Variants in RAB22A observed in about 807,000 individuals in gnomAD.
The protein encoded by RAB22A is ras-related protein Rab-22A.
Under a neutral mutation model 30.2 loss-of-function variants are expected in RAB22A, and 13 were observed. The observed-to-expected ratio is 0.43, with a 90% CI of 0.28 to 0.68. The LOEUF (loss-of-function observed/expected upper bound fraction) is 0.68. Ranked by LOEUF, RAB22A falls within the 30% of genes least tolerant of loss-of-function variation. The pLI, the probability that RAB22A is intolerant of heterozygous loss-of-function variation, is 0.18. For synonymous variants in RAB22A, 89 were observed against 87.2 expected (o/e 1.02, Z -0.11); for missense variants, 177 against 246.8 (o/e 0.72, Z 1.89).
chr20:58,337,569 T>C (rs1986779548), intron 2 of RAB22A, among the ~76,000 whole-genome samples: 2 of 152,172 alleles, frequency 1.3e-5, no homozygotes, highest in Admixed American at 1.3e-4. Context: ...ACCTGGTAAT[T>C]ATCTATTCAC....
chr20:58,333,316 C>A, intron 2 of RAB22A, among the ~76,000 whole-genome samples: 1 of 99,614 alleles, frequency 1.0e-5, no homozygotes, highest in East Asian at 2.8e-4. Flanking sequence ...TAAATCCCGC[C>A]AGCTAATTCT....
At chr20:58,349,679 G>T (rs1198398600) in intron 3 of RAB22A, among the ~76,000 whole-genome samples, 1 of 152,174 alleles carries the variant, frequency 6.6e-6, no homozygotes, top group Admixed American at 6.5e-5. Context: ...GAAGAGCCAT[G>T]CCTTGGGAGT....
At chr20:58,354,294 C>T (rs781270283) in intron 6 of RAB22A, 29 bp downstream of exon 6, 3 of 1,509,562 alleles carry the variant, frequency 2.0e-6, no homozygotes, top group Admixed American at 1.7e-5. Context: ...TATCCATTTC[C>T]TCTGTAAAAG....
chr20:58,360,989 G>C lies in RAB22A; in HGVS notation c.*1286G>C, dbSNP rs1386440084. On this transcript the variant is annotated 3_prime_UTR_variant, in exon 7 of 7. Coordinates refer to ENST00000244040, the MANE Select transcript of RAB22A (RefSeq NM_020673.3). ...GTACAGCATCCTCAGACCAACTGAGGAGCTTTCCTTGTTAACAATTTAGCT... is the reference window on the plus strand; with the variant it reads ...GTACAGCATCCTCAGACCAACTGAGCAGCTTTCCTTGTTAACAATTTAGCT... The C allele has an allele frequency of 6.6e-6, 1 of 152,494 alleles. No individual in the cohort carries two copies. The highest frequency in any genetic ancestry group is 1.5e-5 in the Non-Finnish European group (1 of 68,030). The allele number at this position is 152,494 out of a possible 1,614,324, so 9.4% of individuals were successfully genotyped here. A position where few individuals can be genotyped will look rare whatever the true frequency, so the allele number is the denominator to read the frequency against.
chr20:58,341,615 G>A (rs558035371), intron 2 of RAB22A, among the ~76,000 whole-genome samples: 29 of 152,274 alleles, frequency 1.9e-4, no homozygotes, highest in Admixed American at 9.2e-4. Flanking sequence ...AGAGTAGAAG[G>A]GTGGTCCAGG....
intron 2 of RAB22A, among the ~76,000 whole-genome samples, chr20:58,321,835 C>T (rs948734426): frequency 3.9e-5 from 6 of 152,138 alleles, no homozygotes; most frequent in African/African-American, 1.4e-4. Flanking sequence ...AGGTCTTGCT[C>T]CATCTGTCAG....
rs1987288473 is a variant in RAB22A, at chr20:58,364,890, A to C, written c.*5187A>C. 1 of 152,014 alleles carries C rather than the reference A, an allele frequency of 6.6e-6. No individual in the cohort carries two copies. Among genetic ancestry groups the C allele is most frequent in the African/African-American group, 2.4e-5 (1 of 41,368 alleles). The allele number at this position is 152,014 out of a possible 1,614,324, so 9.4% of individuals were successfully genotyped here. A position where few individuals can be genotyped will look rare whatever the true frequency, so the allele number is the denominator to read the frequency against. On this transcript the variant is annotated 3_prime_UTR_variant, in exon 7 of 7. Transcript: ENST00000244040. ...GCTGGGATGACAGGCGTGCACCACCATACCCAGCTAATTTTTGTATTTTTA... is the reference window on the plus strand; with the variant it reads ...GCTGGGATGACAGGCGTGCACCACCCTACCCAGCTAATTTTTGTATTTTTA...
chr20:58,328,091 A>C (rs972012203), intron 2 of RAB22A, among the ~76,000 whole-genome samples: 1 of 152,104 alleles, frequency 6.6e-6, no homozygotes, highest in African/African-American at 2.4e-5. Flanking sequence ...GATTGTAATT[A>C]ATCTACACTA....
intron 2 of RAB22A, among the ~76,000 whole-genome samples, chr20:58,330,056 A>G (rs2122942625): frequency 6.6e-6 from 1 of 152,290 alleles, no homozygotes; most frequent in East Asian, 1.9e-4. Flanking sequence ...TAGCTTTTAC[A>G]GTGTATTAGG....
chr20:58,320,596 A>G (rs1347573410), intron 2 of RAB22A, among the ~76,000 whole-genome samples: 3 of 152,170 alleles, frequency 2.0e-5, no homozygotes, highest in Non-Finnish European at 4.4e-5. Flanking sequence ...GTGATGGTTT[A>G]GGTGAATTTC....
rs6026214 is a variant in RAB22A, at chr20:58,361,815, C to A, written c.*2112C>A. 80,627 of 151,758 alleles carry A rather than the reference C, an allele frequency of 0.53. 23,032 individuals carry two copies. The highest frequency in any genetic ancestry group is 0.75 in the African/African-American group (30,826 of 41,366). 9.4% of individuals were successfully genotyped at this position (151,758 alleles called of 1,614,324 possible). On this transcript the variant is annotated 3_prime_UTR_variant, in exon 7 of 7. Transcript: ENST00000244040. ...TATGACCTTCACATTTTTTCCACCA[C>A]ACCCACCAGTAGCTGTTGGTGATTG...
At chr20:58,323,695 C>T (rs1006190208) in intron 2 of RAB22A, among the ~76,000 whole-genome samples, 2 of 149,158 alleles carry the variant, frequency 1.3e-5, no homozygotes, top group African/African-American at 5.0e-5. Context: ...GATTTGAACA[C>T]CTGGGCTCAA....
chr20:58,333,982 C>T (rs1422688704), intron 2 of RAB22A, among the ~76,000 whole-genome samples: 1 of 152,060 alleles, frequency 6.6e-6, no homozygotes, highest in Non-Finnish European at 1.5e-5. Context: ...TGCTTGAGCC[C>T]AGGAGTTCAA....
intron 6 of RAB22A, among the ~76,000 whole-genome samples, chr20:58,355,392 A>G (rs1002098263): frequency 6.6e-6 from 1 of 151,780 alleles, no homozygotes; most frequent in South Asian, 2.1e-4. Flanking sequence ...TACATGTCCC[A>G]TTGTTTAGAT....
rs199883116 is a variant in RAB22A, at chr20:58,366,617, GAAAA to G, written c.*6920_*6923del. 3 of 150,300 alleles carry G rather than the reference GAAAA, an allele frequency of 2.0e-5. No individual in the cohort carries two copies. The East Asian group carries it at 5.9e-4, about 30-fold the overall frequency. 9.3% of individuals were successfully genotyped at this position (150,300 alleles called of 1,614,324 possible). A position where few individuals can be genotyped will look rare whatever the true frequency, so the allele number is the denominator to read the frequency against. On this transcript the variant is annotated 3_prime_UTR_variant, in exon 7 of 7. Transcript: ENST00000244040. ...AACTCTTAATTTAACATTTTTGAAAGAAAAAAAAACCGGCCAGAGCATTAAAACA... is the reference window on the plus strand; with the variant it reads ...AACTCTTAATTTAACATTTTTGAAAGAAAAACCGGCCAGAGCATTAAAACA...
intron 2 of RAB22A, among the ~76,000 whole-genome samples, chr20:58,331,448 C>T (rs548148683): frequency 4.6e-5 from 7 of 152,264 alleles, no homozygotes; most frequent in East Asian, 1.9e-4. Flanking sequence ...CCACAATAGA[C>T]GCTCAGTAAA....
intron 2 of RAB22A, among the ~76,000 whole-genome samples, chr20:58,313,312 T>C (rs1005105520): frequency 2.0e-5 from 3 of 152,100 alleles, no homozygotes; most frequent in Admixed American, 2.0e-4. Flanking sequence ...TTCTCCTCAT[T>C]TTCTTTCTTC....
Position 58,349,045 on chromosome 20 carries a change from G to A in RAB22A, c.199-4228G>A, listed in dbSNP as rs530202131. Among the ~76,000 whole-genome samples, 30 of 152,316 alleles carry A rather than the reference G, an allele frequency of 2.0e-4. No homozygotes were observed. In the South Asian group the frequency reaches 5.6e-3, roughly 28 times the overall value. ...GTCACCTGATCTAGAGCCAGGTTTG[G>A]AGCAGAGATGTGCTGACAGCTTTTG... is the stretch of plus-strand genomic sequence containing the variant. On this transcript the variant is annotated intron_variant, in intron 3 of 6. Coordinates refer to ENST00000244040, the MANE Select transcript of RAB22A (RefSeq NM_020673.3).
intron 2 of RAB22A, among the ~76,000 whole-genome samples, chr20:58,332,385 C>T (rs928613675): frequency 7.2e-5 from 11 of 152,272 alleles, no homozygotes; most frequent in Admixed American, 3.3e-4. Flanking sequence ...AAACTCTTCA[C>T]AGGAATTTCT....
Sources: gnomAD v4.1 joint callset for allele counts (sites outside exome capture counted in the v4.1 genomes callset) on GRCh38, gnomAD v4.1.1 for gene constraint, MANE v1.5 for transcripts, NCBI Gene and HGNC (gene_info 2026-07-23, HGNC 2026-07-21) for gene names.